CLIP2: variants seen among roughly 807,000 people sequenced by gnomAD.
CLIP2 encodes CAP-Gly domain containing linker protein 2.
In CLIP2, 41 loss-of-function variants were observed where a neutral mutation model predicts 111.7. That is an observed-to-expected ratio of 0.37 (90% CI 0.29 to 0.48). CLIP2 has a LOEUF of 0.48. CLIP2 is among the 20% of genes least tolerant of loss of function. CLIP2 has a pLI of 0.99. For missense variants in CLIP2, 1,160 were observed against 1,422.1 expected (o/e 0.82, Z 2.96); for synonymous variants, 660 against 644.2 (o/e 1.02, Z -0.37).
In CLIP2 at chr7:74,317,570, GC is replaced by G; in HGVS notation, c.30del (p.Gly11AlafsTer77). 10 of 1,475,338 alleles carry G rather than the reference GC, an allele frequency of 6.8e-6. No individual in the cohort carries two copies. Among genetic ancestry groups the G allele is most frequent in the African/African-American group, 2.9e-5 (2 of 69,426 alleles). The allele number at this position is 1,475,338 out of a possible 1,614,324, so 91.4% of individuals were successfully genotyped here. On this transcript the variant is annotated frameshift_variant, in exon 2 of 17. Transcript: ENST00000223398. LOFTEE classifies it high-confidence loss of function. MQKPSGLKPPGRGGKHSSP... is the reference protein window; with the variant it reads MQKPSGLKXPGRGGKHSSP... Reference sequence around the variant, plus strand: ...CCATGCAGAAGCCCAGCGGCCTGAAGCCCCCCGGCCGTGGGGGGAAGCACTC... The same window carrying G: ...CCATGCAGAAGCCCAGCGGCCTGAAGCCCCCGGCCGTGGGGGGAAGCACTC...
chr7:74,356,067 A>AT (rs1484821700), intron 4 of CLIP2, among the ~76,000 whole-genome samples: 1 of 152,090 alleles, frequency 6.6e-6, no homozygotes, highest in South Asian at 2.1e-4. Flanking sequence ...CTGAGCCTAA[A>AT]TTTTCTCATT....
intron 14 of CLIP2, among the ~76,000 whole-genome samples, chr7:74,397,437 A>G (rs961360734): frequency 6.6e-6 from 1 of 152,072 alleles, no homozygotes; most frequent in Non-Finnish European, 1.5e-5. Context: ...ATGGCTGCCT[A>G]TGTGGCAGTC....
rs782267376 is a variant in CLIP2, at chr7:74,357,405, G to A, written c.1143G>A (p.Glu381=). 33 of 1,613,022 alleles carry A rather than the reference G, an allele frequency of 2.0e-5. No individual in the cohort carries two copies. The highest frequency in any genetic ancestry group is 2.7e-5 in the Non-Finnish European group (32 of 1,179,670). Reference sequence around the variant, plus strand: ...CTGAACGAGACCTGGAACGGGCTGAGGTGGCCAAGGCCACAAGCCACATCT... The same window carrying A: ...CTGAACGAGACCTGGAACGGGCTGAAGTGGCCAAGGCCACAAGCCACATCT... The part of the protein sequence containing the change: ...LLAERDLERA[E]VAKATSHICE... The change falls in exon 6 of 17, where the codon GAG becomes GAA. Residue 381 remains glutamate (E), a synonymous_variant. Transcript: ENST00000223398.
chr7:74,385,737 CTTTTTTTTTTTTT>C (rs869087670), intron 11 of CLIP2, among the ~76,000 whole-genome samples: 2 of 117,706 alleles, frequency 1.7e-5, no homozygotes, highest in South Asian at 2.9e-4. Context: ...GTCGGGTCTT[CTTTTTTTTTTTTT>C]TTTTTTTTTG....
chr7:74,331,342 G>A (rs1789273097), intron 2 of CLIP2, among the ~76,000 whole-genome samples: 1 of 151,468 alleles, frequency 6.6e-6, no homozygotes, highest in African/African-American at 2.4e-5. Context: ...GAGCAATGGC[G>A]ATTTGCAACC....
Position 74,403,871 on chromosome 7 carries a change from A to C in CLIP2, c.*23A>C, listed in dbSNP as rs1554318129. The C allele has an allele frequency of 1.2e-6, 2 of 1,612,838 alleles. No individual in the cohort carries two copies. Among genetic ancestry groups the C allele is most frequent in the Non-Finnish European group, 1.7e-6 (2 of 1,179,844 alleles). The stretch of plus-strand genomic sequence containing the variant: ...TGATCCTGAGGGGATACTGTGGAGC[A>C]GCCCAGTCCACACCAGAGCCCCACG... On this transcript the variant is annotated 3_prime_UTR_variant, in exon 17 of 17. Coordinates refer to ENST00000223398, the MANE Select transcript of CLIP2 (RefSeq NM_003388.5).
At chr7:74,373,321 A>G (rs2116649045) in intron 9 of CLIP2, among the ~76,000 whole-genome samples, 1 of 152,060 alleles carries the variant, frequency 6.6e-6, no homozygotes, top group African/African-American at 2.4e-5. Flanking sequence ...AACATGGTGA[A>G]ACCCCATCTC....
At chr7:74,365,060 A>AAAAAAAAG (rs1464367952) in intron 8 of CLIP2, among the ~76,000 whole-genome samples, 6 of 146,608 alleles carry the variant, frequency 4.1e-5, no homozygotes, top group Admixed American at 6.9e-5. Flanking sequence ...TGACTGTCTC[A>AAAAAAAAG]AAAAAAAGAA....
intron 2 of CLIP2, among the ~76,000 whole-genome samples, chr7:74,335,001 CA>C (rs1339510769): frequency 6.6e-6 from 1 of 151,092 alleles, no homozygotes; most frequent in South Asian, 2.1e-4. Context: ...GACTCTGTCT[CA>C]AAAAAACAAA....
chr7:74,333,267 T>C (rs1554731598), intron 2 of CLIP2, among the ~76,000 whole-genome samples: 1 of 151,950 alleles, frequency 6.6e-6, no homozygotes, highest in African/African-American at 2.4e-5. Flanking sequence ...CACTGAAACC[T>C]CCGTCTCCTG....
intron 7 of CLIP2, among the ~76,000 whole-genome samples, chr7:74,363,253 T>C (rs1269680189): frequency 6.6e-6 from 1 of 151,984 alleles, no homozygotes; most frequent in East Asian, 1.9e-4. Flanking sequence ...CCGCCCACCT[T>C]GGCCTCCCAA....
chr7:74,312,238 CAAATAAAT>C (rs71519327), intron 1 of CLIP2, among the ~76,000 whole-genome samples: 1 of 151,432 alleles, frequency 6.6e-6, no homozygotes, highest in Non-Finnish European at 1.5e-5. Flanking sequence ...ACTCCGTCTC[CAAATAAAT>C]AAATAAATAA....
intron 1 of CLIP2, among the ~76,000 whole-genome samples, chr7:74,312,104 A>G (rs1399382750): frequency 1.3e-5 from 2 of 151,856 alleles, no homozygotes; most frequent in Non-Finnish European, 2.9e-5. Flanking sequence ...AAATTAGCCA[A>G]TGTGGTGGCA....
In CLIP2 at chr7:74,401,278, C is replaced by T. The variant is rs548821763; in HGVS notation, c.3067-227C>T. The stretch of plus-strand genomic sequence containing the variant: ...GGGGAGGGAGCCCTGCCCTCTGGAA[C>T]CCCCAGTTCAAGGGGCACATGGCTT... On this transcript the variant is annotated intron_variant, in intron 15 of 16. Coordinates refer to ENST00000223398, the MANE Select transcript of CLIP2 (RefSeq NM_003388.5). Among the ~76,000 whole-genome samples, 17 of 152,178 alleles carry T rather than the reference C, an allele frequency of 1.1e-4. No homozygotes were observed. The South Asian group carries it at 3.5e-3, about 32-fold the overall frequency.
chr7:74,338,927 G>A lies in CLIP2; in HGVS notation c.601G>A (p.Glu201Lys). The A allele has an allele frequency of 3.1e-6, 5 of 1,601,124 alleles. No individual in the cohort carries two copies. The highest frequency in any genetic ancestry group is 1.6e-4 in the Middle Eastern group (1 of 6,062). ...VLNSSVKTGNESGSNLSDSGS... is the reference protein window; with the variant it reads ...VLNSSVKTGNKSGSNLSDSGS... Reference sequence around the variant, plus strand: ...CAACAGCTCCGTGAAGACTGGCAACGAGTCGGGATCCAACCTCTCAGACAG... The same window carrying A: ...CAACAGCTCCGTGAAGACTGGCAACAAGTCGGGATCCAACCTCTCAGACAG... Residue 201 changes from glutamate (E) to lysine (K), a missense_variant, in exon 3 of 17, where the codon GAG becomes AAG. Around this residue, in one of 5 missense-constraint regions of CLIP2, gnomAD observed 301 missense variants for 315.2 expected, o/e 0.96. Transcript: ENST00000223398. This position sits in a 1 kb window ranked among gnomAD's most constrained non-coding sequence, Gnocchi z 4.3.
chr7:74,340,508 G>T (rs1353577319), intron 3 of CLIP2, among the ~76,000 whole-genome samples: 1 of 152,212 alleles, frequency 6.6e-6, no homozygotes, highest in Non-Finnish European at 1.5e-5. Flanking sequence ...GAAGTTGAGA[G>T]AATTGGGTCA....
At chr7:74,377,895 G>A (rs1487178025) in intron 10 of CLIP2, among the ~76,000 whole-genome samples, 4 of 150,530 alleles carry the variant, frequency 2.7e-5, no homozygotes, top group African/African-American at 4.9e-5. Flanking sequence ...GTGGGATCTC[G>A]GCTCACTGCA....
intron 14 of CLIP2, among the ~76,000 whole-genome samples, chr7:74,397,657 GTTTTTTTTGT>G (rs1346991938): frequency 2.6e-5 from 3 of 113,418 alleles, no homozygotes; most frequent in African/African-American, 1.1e-4. Flanking sequence ...GGGTGGCTGA[GTTTTTTTTGT>G]TTTTTTTTTT....
At position 74,376,578 on chromosome 7, in the gene CLIP2, G is replaced by C. The variant is rs200927251; in HGVS notation, c.2177G>C (p.Arg726Pro). 4.3e-6 allele frequency: 7 copies of C among 1,610,776 alleles called. No homozygotes were observed. The highest frequency in any genetic ancestry group is 5.1e-6 in the Non-Finnish European group (6 of 1,178,956). The change falls in exon 10 of 17, where the codon CGG (arginine) becomes CCG (proline). Residue 726 changes from arginine to proline, a missense_variant. By Grantham distance (103) the Arg-to-Pro change is moderately radical (BLOSUM62 -2). Transcript: ENST00000223398. The surrounding 1 kb of genome is among the most constrained non-coding windows in gnomAD (Gnocchi z 7.1). ...LELQEAQDQRRDAELRVHELE... is the reference protein window; with the variant it reads ...LELQEAQDQRPDAELRVHELE... ...CTGCAGGAGGCCCAGGACCAGCGCC[G>C]GGATGCCGAGCTGCGTGTGCACGAG...
Sources: allele counts gnomAD v4.1 joint callset (sites outside exome capture counted in the v4.1 genomes callset), GRCh38; gene constraint gnomAD v4.1.1; regional missense constraint gnomAD v4.1.1; non-coding constraint Gnocchi (gnomAD v3.1); transcripts MANE v1.5; gene names NCBI Gene and HGNC (gene_info 2026-07-23, HGNC 2026-07-21).